PRKN: variants seen among roughly 807,000 people sequenced by gnomAD.
PRKN encodes the protein E3 ubiquitin-protein ligase parkin.
A neutral mutation model predicts 59.5 loss-of-function variants in PRKN; 56 were observed. That is an observed-to-expected ratio of 0.94 (90% CI 0.76 to 1.18). The LOEUF (loss-of-function observed/expected upper bound fraction) is 1.18, where lower values mean the gene tolerates loss of function less well. PRKN is among the 50% of genes most tolerant of loss of function. The probability of loss-of-function intolerance (pLI) is 0.00; values close to 1 mark genes in which losing one functional copy is unlikely to be tolerated. For missense variants in PRKN, 657 were observed against 596.4 expected (o/e 1.10, Z -1.06); for synonymous variants, 250 against 222.1 (o/e 1.13, Z -1.12).
rs1278882490 is a variant in PRKN, at chr6:161,428,123, G to T, written c.1084-41246C>A. Among the ~76,000 whole-genome samples the T allele has an allele frequency of 6.6e-6, 1 of 152,180 alleles. No individual in the cohort carries two copies. The highest frequency in any genetic ancestry group is 1.5e-5 in the Non-Finnish European group (1 of 68,034). On this transcript the variant is annotated intron_variant, in intron 9 of 11. Coordinates refer to ENST00000366898, the MANE Select transcript of PRKN (RefSeq NM_004562.3). The surrounding 1 kb of genome is among the most constrained non-coding windows in gnomAD (Gnocchi z 4.0). ...GATGCTCTTCCACCTGCATCTTCTG[G>T]CACTTGCACTGTGGGGGCCTTCCTC...
At chr6:161,509,879 C>CAAAAAAA (rs1175501223) in intron 9 of PRKN, among the ~76,000 whole-genome samples, 6 of 49,372 alleles carry the variant, frequency 1.2e-4, no homozygotes, top group African/African-American at 3.6e-4. Context: ...GACTCCATCT[C>CAAAAAAA]AAAAAAAAAA....
chr6:162,584,126 T>G (rs927993737), intron 1 of PRKN, among the ~76,000 whole-genome samples: 1 of 150,606 alleles, frequency 6.6e-6, no homozygotes, highest in Non-Finnish European at 1.5e-5. Flanking sequence ...GGCAGGAGAA[T>G]GGTGTGAACC....
chr6:161,394,793 T>C (rs1292374849), intron 9 of PRKN, among the ~76,000 whole-genome samples: 1 of 152,152 alleles, frequency 6.6e-6, no homozygotes, highest in Non-Finnish European at 1.5e-5. Context: ...AAAAGATCCA[T>C]GATAAGGTGG....
intron 1 of PRKN, among the ~76,000 whole-genome samples, chr6:162,659,472 C>T (rs1474409570): frequency 6.6e-6 from 1 of 152,094 alleles, no homozygotes; most frequent in Non-Finnish European, 1.5e-5. Context: ...CTAGCTCTTA[C>T]TAAGAGATTT....
chr6:162,460,680 T>C (rs1309094935), intron 1 of PRKN, among the ~76,000 whole-genome samples: 1 of 152,200 alleles, frequency 6.6e-6, no homozygotes, highest in Non-Finnish European at 1.5e-5. Context: ...TTCACTTCAC[T>C]TTAAATGTTT....
At chr6:161,389,645 C>T (rs1786418042) in intron 9 of PRKN, among the ~76,000 whole-genome samples, 1 of 152,216 alleles carries the variant, frequency 6.6e-6, no homozygotes, top group Admixed American at 6.5e-5. Context: ...GTCTGCCTCA[C>T]ACTCATTCCT....
At chr6:162,061,166 T>G (rs1778087356) in intron 4 of PRKN, among the ~76,000 whole-genome samples, 1 of 152,194 alleles carries the variant, frequency 6.6e-6, no homozygotes, top group Non-Finnish European at 1.5e-5. Context: ...CATGGACCCA[T>G]TCCAAACTTA....
chr6:162,487,886 T>C (rs1292834444), intron 1 of PRKN, among the ~76,000 whole-genome samples: 4 of 151,978 alleles, frequency 2.6e-5, no homozygotes, highest in Admixed American at 2.0e-4. Context: ...GACCAGCCTG[T>C]GCAACAAAGT....
At chr6:161,883,485 A>AAAGGGAAGGG (rs1231720592) in intron 6 of PRKN, among the ~76,000 whole-genome samples, 1 of 147,934 alleles carries the variant, frequency 6.8e-6, no homozygotes, top group South Asian at 2.4e-4. Flanking sequence ...AGACTCTGAC[A>AAAGGGAAGGG]AAGGGAAGGG....
At chr6:162,713,283 A>G (rs1176546949) in intron 1 of PRKN, among the ~76,000 whole-genome samples, 3 of 152,136 alleles carry the variant, frequency 2.0e-5, no homozygotes, top group Non-Finnish European at 2.9e-5. Flanking sequence ...TCACGAGGTC[A>G]GAAGATCAAG....
chr6:161,809,889 C>T (rs1198085898), intron 6 of PRKN, among the ~76,000 whole-genome samples: 1 of 152,146 alleles, frequency 6.6e-6, no homozygotes, highest in African/African-American at 2.4e-5. Context: ...CCTGTTTCTG[C>T]TCTAAAGCAA....
chr6:162,061,632 T>C (rs1250829370), intron 4 of PRKN, among the ~76,000 whole-genome samples: 2 of 152,172 alleles, frequency 1.3e-5, no homozygotes, highest in Non-Finnish European at 2.9e-5. Context: ...TTAAAGATCC[T>C]ACACTGTCAC....
chr6:162,251,816 A>C (rs1197618210), intron 3 of PRKN, among the ~76,000 whole-genome samples: 1 of 152,174 alleles, frequency 6.6e-6, no homozygotes, highest in African/African-American at 2.4e-5. Flanking sequence ...TAATATTCTC[A>C]ACATCATCTT....
intron 1 of PRKN, among the ~76,000 whole-genome samples, chr6:162,533,341 T>C (rs766051496): frequency 6.6e-6 from 1 of 151,902 alleles, no homozygotes; most frequent in Non-Finnish European, 1.5e-5. Flanking sequence ...ATGGCTGACA[T>C]AGTGAAACCC....
At chr6:162,574,006 C>T (rs1431400720) in intron 1 of PRKN, among the ~76,000 whole-genome samples, 2 of 152,138 alleles carry the variant, frequency 1.3e-5, no homozygotes, top group East Asian at 1.9e-4. Context: ...GAACTTGATA[C>T]GAAAGGCATG....
rs766713147 is a variant in PRKN at position 161,447,168 on chromosome 6, C to T, written c.1084-60291G>A. 1.3e-5 allele frequency among the ~76,000 whole-genome samples: 2 copies of T among 152,124 alleles called. No homozygotes were observed. Among genetic ancestry groups the T allele is most frequent in the Non-Finnish European group, 2.9e-5 (2 of 68,018 alleles). ...TTCCTGCTACTAGGACAGTTAAGTC[C>T]CCCTGTGAAGTTAACCGAAAGCTGC... On this transcript the variant is annotated intron_variant, in intron 9 of 11. Transcript: ENST00000366898. This position sits in a 1 kb window ranked among gnomAD's most constrained non-coding sequence, Gnocchi z 4.1.
chr6:162,220,404 T>C (rs1247972415), intron 3 of PRKN, among the ~76,000 whole-genome samples: 1 of 152,134 alleles, frequency 6.6e-6, no homozygotes, highest in Admixed American at 6.6e-5. Context: ...AACAGGCAAC[T>C]ACAGTCTGGA....
chr6:162,235,141 GT>G (rs994062939), intron 3 of PRKN, among the ~76,000 whole-genome samples: 29 of 152,194 alleles, frequency 1.9e-4, no homozygotes, highest in African/African-American at 6.7e-4. Flanking sequence ...ATTATGTGAG[GT>G]TTTTTTGAAA....
intron 7 of PRKN, among the ~76,000 whole-genome samples, chr6:161,722,128 C>T (rs1185306332): frequency 1.3e-5 from 2 of 152,142 alleles, no homozygotes; most frequent in Admixed American, 6.5e-5. Flanking sequence ...AACACCTTAA[C>T]ACCTGCCTCT....
Sources: allele counts gnomAD v4.1 joint callset (sites outside exome capture counted in the v4.1 genomes callset), GRCh38; gene constraint gnomAD v4.1.1; non-coding constraint Gnocchi (gnomAD v3.1); transcripts MANE v1.5; gene names NCBI Gene and HGNC (gene_info 2026-07-23, HGNC 2026-07-21).